Variants in BNC2 observed in about 807,000 individuals in gnomAD.
BNC2 encodes the protein zinc finger protein basonuclin-2.
BNC2 carries 20 observed loss-of-function variants against 76.3 expected under a neutral mutation model. The observed-to-expected ratio is 0.26, with a 90% CI of 0.18 to 0.38. BNC2 has a LOEUF of 0.38. Among genes scored for constraint, BNC2 ranks in the 10% least tolerant of loss-of-function variants. BNC2 has a pLI of 1.00. For missense variants in BNC2, 1,382 were observed against 1,399.8 expected, an observed-to-expected ratio of 0.99 and a Z score of 0.20; for synonymous variants, 582 against 514.8, an observed-to-expected ratio of 1.13 and a Z score of -1.77.
chr9:16,781,869 T>C (rs748699043), intron 1 of BNC2, among the ~76,000 whole-genome samples: 14 of 152,132 alleles, frequency 9.2e-5, no homozygotes, highest in South Asian at 4.1e-4. Flanking sequence ...AGTTACAAAA[T>C]AGCATATTTG....
At chr9:16,469,384 A>G (rs1468829562) in intron 5 of BNC2, among the ~76,000 whole-genome samples, 1 of 152,104 alleles carries the variant, frequency 6.6e-6, no homozygotes, top group Admixed American at 6.5e-5. Context: ...ACGAGATTTG[A>G]TGGGTTTTTC....
intron 3 of BNC2, among the ~76,000 whole-genome samples, chr9:16,609,533 C>A (rs1478379356): frequency 2.0e-5 from 3 of 152,106 alleles, no homozygotes; most frequent in Non-Finnish European, 4.4e-5. Context: ...CTGTGTCCAG[C>A]CTGCTAAGGA....
chr9:16,573,233 A>C (rs1819379253), intron 4 of BNC2, among the ~76,000 whole-genome samples: 1 of 149,392 alleles, frequency 6.7e-6, no homozygotes, highest in Non-Finnish European at 1.5e-5. Context: ...AAAAAAAAAA[A>C]AAAACAGAAA....
intron 4 of BNC2, among the ~76,000 whole-genome samples, chr9:16,555,163 C>A (rs1407029630): frequency 6.6e-6 from 1 of 151,348 alleles, no homozygotes; most frequent in African/African-American, 2.4e-5. Flanking sequence ...GGGACTCAGG[C>A]GCCCACCACC....
intron 1 of BNC2, among the ~76,000 whole-genome samples, chr9:16,869,610 G>C (rs1034625124): frequency 6.6e-6 from 1 of 152,136 alleles, no homozygotes; most frequent in East Asian, 1.9e-4. Flanking sequence ...TCCCCAAGTG[G>C]GGGTAACAAT....
Position 16,833,759 on chromosome 9 carries a change from T to C in BNC2, c.3+36887A>G, listed in dbSNP as rs187312099. On this transcript the variant is annotated intron_variant, in intron 1 of 6. Coordinates refer to ENST00000380672, the MANE Select transcript of BNC2 (RefSeq NM_017637.6). ...TGGCTAAGCAAGCCCTTCAAGAAAA[T>C]CATGTGAACTCAAACCCTGCTTAAA... Among the ~76,000 whole-genome samples the C allele has an allele frequency of 6.4e-4, 98 of 152,174 alleles. 2 individuals carry two copies. Among genetic ancestry groups the C allele is most frequent in the African/African-American group, 2.2e-3 (93 of 41,536 alleles).
In BNC2 at chr9:16,821,657, G is replaced by T. The variant is rs1586911355; in HGVS notation, c.3+48989C>A. On this transcript the variant is annotated intron_variant, in intron 1 of 6. Coordinates refer to ENST00000380672, the MANE Select transcript of BNC2 (RefSeq NM_017637.6). ...GCTTGGGAAAGAGTATTATAATTAA[G>T]AAGAACCCAGCAGGGCGTGGTGGCT... 2.0e-5 allele frequency among the ~76,000 whole-genome samples: 3 copies of T among 152,176 alleles called. No homozygotes were observed. In the East Asian group the frequency reaches 5.8e-4, roughly 30 times the overall value.
chr9:16,627,307 T>C (rs1281494183), intron 3 of BNC2, among the ~76,000 whole-genome samples: 2 of 152,086 alleles, frequency 1.3e-5, no homozygotes, highest in South Asian at 4.1e-4. Flanking sequence ...GGGACAAAAG[T>C]AAAACAACTC....
In BNC2 at chr9:16,559,085, G is replaced by C. The variant is rs956077807; in HGVS notation, c.434-6320C>G. Among the ~76,000 whole-genome samples, 5 of 152,110 alleles carry C rather than the reference G, an allele frequency of 3.3e-5. No homozygotes were observed. The East Asian group carries it at 9.6e-4, about 29-fold the overall frequency. ...CACATCTTATACGGATTTACAAAGA[G>C]GGACGAATGCCTTCAACAGCATTAA... On this transcript the variant is annotated intron_variant, in intron 4 of 6. Coordinates refer to ENST00000380672, the MANE Select transcript of BNC2 (RefSeq NM_017637.6).
At chr9:16,658,359 A>T (rs1821993058) in intron 3 of BNC2, among the ~76,000 whole-genome samples, 1 of 152,154 alleles carries the variant, frequency 6.6e-6, no homozygotes, top group Non-Finnish European at 1.5e-5. Context: ...AAAACTTTAA[A>T]CAGCCCAGTA....
chr9:16,848,996 T>C (rs1819059807), intron 1 of BNC2, among the ~76,000 whole-genome samples: 1 of 152,142 alleles, frequency 6.6e-6, no homozygotes, highest in African/African-American at 2.4e-5. Flanking sequence ...GATACCCCAT[T>C]ATGTAAATGT....
chr9:16,669,711 T>A (rs1822417432), intron 3 of BNC2, among the ~76,000 whole-genome samples: 1 of 152,198 alleles, frequency 6.6e-6, no homozygotes, highest in African/African-American at 2.4e-5. Flanking sequence ...AACTACTTCT[T>A]CTCTAACTGC....
At chr9:16,468,842 C>T (rs1311979991) in intron 5 of BNC2, among the ~76,000 whole-genome samples, 1 of 152,194 alleles carries the variant, frequency 6.6e-6, no homozygotes, top group Non-Finnish European at 1.5e-5. Flanking sequence ...AAATGTGACA[C>T]TGAGGTGCAT....
At chr9:16,686,759 G>C (rs1036301085) in intron 3 of BNC2, among the ~76,000 whole-genome samples, 14 of 152,100 alleles carry the variant, frequency 9.2e-5, no homozygotes, top group African/African-American at 3.4e-4. Flanking sequence ...ACAACGTTCA[G>C]TATACTCCAC....
chr9:16,718,241 C>T (rs1299484654), intron 3 of BNC2, among the ~76,000 whole-genome samples: 42 of 152,210 alleles, frequency 2.8e-4, no homozygotes, highest in Admixed American at 2.7e-3. Context: ...TAACACATCT[C>T]ACCTGTATGA....
chr9:16,707,059 G>A (rs557135291), intron 3 of BNC2, among the ~76,000 whole-genome samples: 5 of 152,168 alleles, frequency 3.3e-5, no homozygotes, highest in South Asian at 2.1e-4. Context: ...AAAATTAGCC[G>A]GGCGTGATGG....
At chr9:16,651,501 C>T (rs1003251312) in intron 3 of BNC2, among the ~76,000 whole-genome samples, 3 of 152,136 alleles carry the variant, frequency 2.0e-5, no homozygotes, top group Admixed American at 6.6e-5. Context: ...TCTTACCCTC[C>T]ACCAGTCACT....
chr9:16,481,241 C>G (rs916200312), intron 5 of BNC2, among the ~76,000 whole-genome samples: 4 of 152,100 alleles, frequency 2.6e-5, no homozygotes, highest in Non-Finnish European at 5.9e-5. Context: ...CTACTCGGCT[C>G]TACCAATCAG....
At chr9:16,469,012 T>A (rs1027836025) in intron 5 of BNC2, among the ~76,000 whole-genome samples, 1 of 152,216 alleles carries the variant, frequency 6.6e-6, no homozygotes, top group African/African-American at 2.4e-5. Flanking sequence ...GTTAAAATCT[T>A]GGATTTTAAA....
Sources: allele counts gnomAD v4.1 joint callset (sites outside exome capture counted in the v4.1 genomes callset), GRCh38; gene constraint gnomAD v4.1.1; transcripts MANE v1.5; gene names NCBI Gene and HGNC (gene_info 2026-07-23, HGNC 2026-07-21).